ARHGAP25: variants seen among roughly 807,000 people sequenced by gnomAD.
The protein encoded by ARHGAP25 is rho GTPase-activating protein 25.
In ARHGAP25, 34 loss-of-function variants were observed where a neutral mutation model predicts 71.0. That is an observed-to-expected ratio of 0.48 (90% CI 0.36 to 0.64). ARHGAP25 has a LOEUF of 0.64. ARHGAP25 is among the 30% of genes least tolerant of loss of function. The pLI, the probability that ARHGAP25 is intolerant of heterozygous loss-of-function variation, is 0.00. For synonymous variants in ARHGAP25, 282 were observed against 296.5 expected (o/e 0.95, Z 0.50); for missense variants, 706 against 805.1 (o/e 0.88, Z 1.49).
At chr2:68,819,845 C>T (rs1573635937) in intron 9 of ARHGAP25, 2 of 223,374 alleles carry the variant, frequency 9.0e-6, no homozygotes, top group African/African-American at 4.5e-5. Context: ...TCCCAATGTC[C>T]AAAAGCTCTG....
chr2:68,825,779 A>G (rs1343123445), intron 10 of ARHGAP25, among the ~76,000 whole-genome samples: 3 of 151,586 alleles, frequency 2.0e-5, no homozygotes, highest in Admixed American at 2.0e-4. Flanking sequence ...ACTCCATCCA[A>G]AAAAAAATGA....
intron 1 of ARHGAP25, among the ~76,000 whole-genome samples, chr2:68,750,971 T>G (rs1213986559): frequency 6.6e-6 from 1 of 152,186 alleles, no homozygotes; most frequent in Non-Finnish European, 1.5e-5. Context: ...AATAGGACAA[T>G]ACATCCTTTC....
At chr2:68,774,864 GA>G in intron 1 of ARHGAP25, 1 of 1,254,568 alleles carries the variant, frequency 8.0e-7, no homozygotes, top group Admixed American at 3.8e-5. Flanking sequence ...TCCCACGCAG[GA>G]AAAAGGAAGC....
chr2:68,764,564 G>C (rs1294554484), intron 1 of ARHGAP25, among the ~76,000 whole-genome samples: 1 of 152,164 alleles, frequency 6.6e-6, no homozygotes, highest in East Asian at 1.9e-4. Flanking sequence ...CTGGTATCGT[G>C]ACCTGGTTGA....
rs1390483702 is a variant in ARHGAP25, at chr2:68,743,980, T to C, written c.61+8720T>C. On this transcript the variant is annotated intron_variant, in intron 1 of 10. Coordinates refer to ENST00000409202, the MANE Select transcript of ARHGAP25 (RefSeq NM_001007231.3). ...TGGCAAAAATTGATTTAGGAGAAAA[T>C]ATCTTTAAACCTGGAGTCATTATTC... Among the ~76,000 whole-genome samples the C allele has an allele frequency of 2.0e-5, 3 of 152,154 alleles. No individual in the cohort carries two copies. The East Asian group carries it at 5.8e-4, about 29-fold the overall frequency.
At chr2:68,814,153 A>C (rs974580529) in intron 6 of ARHGAP25, among the ~76,000 whole-genome samples, 23 of 152,380 alleles carry the variant, frequency 1.5e-4, no homozygotes, top group African/African-American at 5.5e-4. Context: ...TATATCGACT[A>C]TGTTAAAAGC....
At chr2:68,748,849 G>A (rs762788746) in intron 1 of ARHGAP25, among the ~76,000 whole-genome samples, 8 of 152,168 alleles carry the variant, frequency 5.3e-5, no homozygotes, top group Non-Finnish European at 1.2e-4. Flanking sequence ...GGTATGTCTT[G>A]CTCCTATAAT....
At chr2:68,769,475 C>A (rs1472989919) in intron 1 of ARHGAP25, among the ~76,000 whole-genome samples, 1 of 152,116 alleles carries the variant, frequency 6.6e-6, no homozygotes, top group Non-Finnish European at 1.5e-5. Flanking sequence ...TATGTAGAAG[C>A]CTGTGCACTT....
chr2:68,767,558 T>C lies in ARHGAP25; in HGVS notation c.62-7663T>C, dbSNP rs912836465. Among the ~76,000 whole-genome samples the C allele has an allele frequency of 7.9e-5, 12 of 152,244 alleles. No homozygotes were observed. The highest frequency in any genetic ancestry group is 5.2e-4 in the Admixed American group (8 of 15,294). On this transcript the variant is annotated intron_variant, in intron 1 of 10. Transcript: ENST00000409202. The surrounding 1 kb of genome is among the most constrained non-coding windows in gnomAD (Gnocchi z 4.6). ...CTCCCCAGTCGGCTCCTTCCTCAGC[T>C]GTGGTGTGGGCCTGACTGCCGGCCC...
chr2:68,788,080 A>C (rs1416854672), intron 4 of ARHGAP25, 124 bp downstream of exon 4: 2 of 756,646 alleles, frequency 2.6e-6, no homozygotes, highest in African/African-American at 3.5e-5. Context: ...AGTTCTCTGC[A>C]TGCCCATGGC....
At chr2:68,803,252 G>A (rs1293096991) in intron 4 of ARHGAP25, among the ~76,000 whole-genome samples, 1 of 152,112 alleles carries the variant, frequency 6.6e-6, no homozygotes, top group Non-Finnish European at 1.5e-5. Context: ...AGGAATGATT[G>A]GATTTATTGC....
chr2:68,753,763 ATTCAGAAC>A (rs1186041723), intron 1 of ARHGAP25, among the ~76,000 whole-genome samples: 1 of 152,164 alleles, frequency 6.6e-6, no homozygotes, highest in African/African-American at 2.4e-5. Context: ...AATTTTTTTC[ATTCAGAAC>A]TTCAGAACTT....
chr2:68,759,253 A>G (rs1676659960), intron 1 of ARHGAP25, among the ~76,000 whole-genome samples: 3 of 151,724 alleles, frequency 2.0e-5, no homozygotes. Context: ...CAAATGAAAT[A>G]TAGAATATAA....
intron 2 of ARHGAP25, among the ~76,000 whole-genome samples, chr2:68,710,873 C>T (rs1674464826): frequency 6.6e-6 from 1 of 152,140 alleles, no homozygotes; most frequent in Non-Finnish European, 1.5e-5. Flanking sequence ...GGCTTCAACT[C>T]TCTAATAAAT....
At chr2:68,781,561 C>T (rs1464630942) in intron 2 of ARHGAP25, among the ~76,000 whole-genome samples, 2 of 152,126 alleles carry the variant, frequency 1.3e-5, no homozygotes, top group African/African-American at 4.8e-5. Context: ...GTGGTGGGAC[C>T]ATTTCCCACC....
intron 2 of ARHGAP25, among the ~76,000 whole-genome samples, chr2:68,725,277 G>C (rs1171601809): frequency 2.0e-5 from 3 of 152,090 alleles, no homozygotes; most frequent in Non-Finnish European, 4.4e-5. Flanking sequence ...CCACCTTTCA[G>C]TCTGTTCTCA....
chr2:68,810,128 T>TAAAA (rs11332513), intron 5 of ARHGAP25, among the ~76,000 whole-genome samples: 1 of 129,144 alleles, frequency 7.7e-6, no homozygotes, highest in Non-Finnish European at 1.6e-5. Context: ...AGCCCTTGAT[T>TAAAA]AAAAAAAAAA....
At chr2:68,736,977 A>G (rs143308921) in intron 1 of ARHGAP25, among the ~76,000 whole-genome samples, 14 of 152,262 alleles carry the variant, frequency 9.2e-5, no homozygotes, top group Non-Finnish European at 1.6e-4. Context: ...CTGGGCACAC[A>G]ATAAATATTT....
At position 68,822,823 on chromosome 2, in the gene ARHGAP25, C is replaced by A; in HGVS notation, c.1684C>A (p.Arg562=). The change falls in exon 10 of 11, where the codon CGA becomes AGA. Residue 562 remains arginine, a synonymous_variant. Coordinates refer to ENST00000409202, the MANE Select transcript of ARHGAP25 (RefSeq NM_001007231.3). The stretch of plus-strand genomic sequence containing the variant: ...TTTGCAGAGGATGGTCCAAGAGCTA[C>A]GAAAGGAAATAGAAACACAGAAGCA... ...DSLQRMVQEL[R]KEIETQKQMY... is the part of the protein sequence containing the mutation. 6.2e-7 allele frequency: 1 copy of A among 1,613,548 alleles called. No individual in the cohort carries two copies. The highest frequency in any genetic ancestry group is 8.5e-7 in the Non-Finnish European group (1 of 1,179,910).
Sources: gnomAD v4.1 joint callset for allele counts (sites outside exome capture counted in the v4.1 genomes callset) on GRCh38, gnomAD v4.1.1 for gene constraint, Gnocchi (gnomAD v3.1) non-coding constraint, MANE v1.5 for transcripts, NCBI Gene and HGNC (gene_info 2026-07-23, HGNC 2026-07-21) for gene names.